HIVEP3: variants seen among roughly 807,000 people sequenced by gnomAD.
HIVEP3 encodes HIVEP zinc finger 3, also known as transcription factor HIVEP3.
In HIVEP3, 49 loss-of-function variants were observed where a neutral mutation model predicts 152.8. The ratio of observed to expected loss-of-function variants is 0.32; its 90% CI spans 0.26 to 0.41. The LOEUF (loss-of-function observed/expected upper bound fraction) is 0.41. Among genes scored for constraint, HIVEP3 ranks in the 10% least tolerant of loss-of-function variants. The pLI is 1.00. For missense variants in HIVEP3, 2,790 were observed against 3,103.3 expected (o/e 0.90, Z 2.40); for synonymous variants, 1,269 against 1,289.0 (o/e 0.98, Z 0.33).
Position 41,880,862 on chromosome 1 carries a change from C to T in HIVEP3, c.-801+37551G>A, listed in dbSNP as rs188187585. Among the ~76,000 whole-genome samples the T allele has an allele frequency of 3.6e-4, 55 of 152,238 alleles. No individual in the cohort carries two copies. The East Asian group carries it at 4.4e-3, about 12-fold the overall frequency. ...AATCCTGATAGGCTTCAAAAGGTTG[C>T]GAAAGGGGCCACATTCTCTAGTACT... On this transcript the variant is annotated intron_variant, in intron 1 of 8. Coordinates refer to ENST00000372583, the MANE Select transcript of HIVEP3 (RefSeq NM_024503.5).
intron 1 of HIVEP3, among the ~76,000 whole-genome samples, chr1:41,906,170 G>A (rs56157734): frequency 1.4e-4 from 21 of 152,174 alleles, no homozygotes; most frequent in Non-Finnish European, 2.2e-4. Flanking sequence ...TCAGCCAAGC[G>A]TGGTGGCATG....
chr1:41,715,978 G>A (rs758567322), intron 1 of HIVEP3, among the ~76,000 whole-genome samples: 1 of 152,154 alleles, frequency 6.6e-6, no homozygotes, highest in Non-Finnish European at 1.5e-5. Context: ...CCGAGCAACC[G>A]ATCATGCCTG....
chr1:41,580,128 T>C lies in HIVEP3; in HGVS notation c.4670A>G (p.Lys1557Arg), dbSNP rs1644379302. The change falls in exon 4 of 9, where the codon AAG becomes AGG. Residue 1557 changes from lysine to arginine, a missense_variant. By Grantham distance (26) the Lys-to-Arg change is conservative. Coordinates refer to ENST00000372583, the MANE Select transcript of HIVEP3 (RefSeq NM_024503.5). ...CAAGGAGGGGAGATCAGGTTGTTCC[T>C]TGGAATCTTCTTTCTTCACGCTCAG... Reference protein sequence around the residue: ...TPLSVKKEDSKEQPDLPSLAP... With the variant: ...TPLSVKKEDSREQPDLPSLAP... 1.2e-6 allele frequency: 2 copies of C among 1,613,978 alleles called. No homozygotes were observed. Among genetic ancestry groups the C allele is most frequent in the Admixed American group, 1.7e-5 (1 of 60,002 alleles).
intron 1 of HIVEP3, among the ~76,000 whole-genome samples, chr1:41,897,567 T>C (rs946681234): frequency 2.6e-5 from 4 of 152,116 alleles, no homozygotes; most frequent in Non-Finnish European, 4.4e-5. Flanking sequence ...GCCAGAATAG[T>C]GAGCAGTACA....
intron 1 of HIVEP3, among the ~76,000 whole-genome samples, chr1:41,756,277 T>C (rs577093427): frequency 6.6e-6 from 1 of 152,324 alleles, no homozygotes; most frequent in East Asian, 1.9e-4. Flanking sequence ...CAGGGATGAC[T>C]GGGGGATGGG....
chr1:41,526,643 ACCCC>A (rs1642940089), intron 5 of HIVEP3, among the ~76,000 whole-genome samples: 1 of 31,648 alleles, frequency 3.2e-5, no homozygotes, highest in Non-Finnish European at 5.8e-5. Context: ...ACACCCTCAC[ACCCC>A]CACACTCACA....
At chr1:41,517,921 A>G (rs748950888) in intron 7 of HIVEP3, among the ~76,000 whole-genome samples, 2 of 152,230 alleles carry the variant, frequency 1.3e-5, no homozygotes, top group Admixed American at 6.5e-5. Context: ...TGTCAGGCCC[A>G]TGCCAGAGTG....
intron 1 of HIVEP3, among the ~76,000 whole-genome samples, chr1:41,985,023 T>C (rs1645314131): frequency 1.3e-5 from 2 of 152,022 alleles, no homozygotes; most frequent in South Asian, 4.1e-4. Context: ...GCGAAGGCCC[T>C]TCCCAGGGGA....
chr1:41,562,603 C>T (rs1376797124), intron 5 of HIVEP3, among the ~76,000 whole-genome samples: 3 of 86,892 alleles, frequency 3.5e-5, no homozygotes, highest in Non-Finnish European at 4.8e-5. Context: ...TCCTTTCTTT[C>T]TCTCTCTCTC....
chr1:41,602,794 G>C (rs1397088101), intron 3 of HIVEP3, among the ~76,000 whole-genome samples: 1 of 151,738 alleles, frequency 6.6e-6, no homozygotes, highest in African/African-American at 2.4e-5. Flanking sequence ...CTAGGTCTTT[G>C]AGGTATAAAG....
intron 5 of HIVEP3, among the ~76,000 whole-genome samples, chr1:41,528,188 C>T (rs1643071840): frequency 7.1e-6 from 1 of 140,612 alleles, no homozygotes; most frequent in South Asian, 2.4e-4. Flanking sequence ...CCCACCCTCA[C>T]CTTCACACAC....
chr1:41,583,243 C>T lies in HIVEP3; in HGVS notation c.1555G>A (p.Glu519Lys). ...LSSHSEKTKPEQSLLSLQHPP... is the reference protein window; with the variant it reads ...LSSHSEKTKPKQSLLSLQHPP... Reference sequence around the variant, plus strand: ...TGCTGGAGGCTCAGCAGTGATTGTTCAGGCTTGGTTTTCTCACTGTGGGAT... The same window carrying T: ...TGCTGGAGGCTCAGCAGTGATTGTTTAGGCTTGGTTTTCTCACTGTGGGAT... The change falls in exon 4 of 9, where the codon GAA becomes AAA. Residue 519 changes from glutamate (E) to lysine (K), a missense_variant. Glu to Lys is a moderately conservative substitution (Grantham distance 56, BLOSUM62 1). Transcript: ENST00000372583. This position sits in a 1 kb window ranked among gnomAD's most constrained non-coding sequence, Gnocchi z 6.9. The T allele has an allele frequency of 6.2e-7, 1 of 1,612,834 alleles. No individual in the cohort carries two copies. Among genetic ancestry groups the T allele is most frequent in the Non-Finnish European group, 8.5e-7 (1 of 1,179,508 alleles).
intron 3 of HIVEP3, among the ~76,000 whole-genome samples, chr1:41,605,313 G>T (rs1414640849): frequency 6.6e-6 from 1 of 151,670 alleles, no homozygotes. Context: ...AGTTTTCTGG[G>T]TGTACAATTG....
In HIVEP3 at chr1:41,616,446, G is replaced by A. The variant is rs117798989; in HGVS notation, c.-522+12303C>T. Among the ~76,000 whole-genome samples the A allele has an allele frequency of 6.5e-4, 99 of 152,288 alleles. No homozygotes were observed. The East Asian group carries it at 0.016, about 25-fold the overall frequency. Reference sequence around the variant, plus strand: ...GAGATTTCTAAGAGGGACGCACAGAGTCTCAGAGTCTCCGGGTTGAAGGGA... The same window carrying A: ...GAGATTTCTAAGAGGGACGCACAGAATCTCAGAGTCTCCGGGTTGAAGGGA... On this transcript the variant is annotated intron_variant, in intron 3 of 8. Coordinates refer to ENST00000372583, the MANE Select transcript of HIVEP3 (RefSeq NM_024503.5).
chr1:41,593,850 G>A (rs1474219671), intron 3 of HIVEP3, among the ~76,000 whole-genome samples: 1 of 152,162 alleles, frequency 6.6e-6, no homozygotes, highest in East Asian at 1.9e-4. Context: ...GTGTCAGCAG[G>A]GCCACTTTTC....
intron 1 of HIVEP3, among the ~76,000 whole-genome samples, chr1:42,030,053 G>A (rs1185441055): frequency 1.3e-5 from 2 of 149,304 alleles, no homozygotes; most frequent in Admixed American, 6.6e-5. Context: ...TCTCCCACCC[G>A]ACCCTGCCCT....
At chr1:41,901,757 T>A (rs889352963) in intron 1 of HIVEP3, among the ~76,000 whole-genome samples, 2 of 152,148 alleles carry the variant, frequency 1.3e-5, no homozygotes, top group African/African-American at 2.4e-5. Context: ...GGTGACACCA[T>A]GCACACAGCC....
chr1:41,788,491 A>G (rs1649499981), intron 1 of HIVEP3, among the ~76,000 whole-genome samples: 1 of 152,210 alleles, frequency 6.6e-6, no homozygotes, highest in African/African-American at 2.4e-5. Context: ...TGAGCAGGAG[A>G]GAGAGCTCAG....
intron 1 of HIVEP3, among the ~76,000 whole-genome samples, chr1:41,893,828 CATATA>C (rs1462616681): frequency 5.5e-5 from 8 of 144,952 alleles, no homozygotes; most frequent in Non-Finnish European, 3.0e-5. Flanking sequence ...CATTATATAA[CATATA>C]ATATATATTA....
Sources: gnomAD v4.1 joint callset for allele counts (sites outside exome capture counted in the v4.1 genomes callset) on GRCh38, gnomAD v4.1.1 for gene constraint, Gnocchi (gnomAD v3.1) non-coding constraint, MANE v1.5 for transcripts, NCBI Gene and HGNC (gene_info 2026-07-23, HGNC 2026-07-21) for gene names.